The following ASPG variants were observed in gnomAD, a reference collection of about 807,000 sequenced individuals.
The protein encoded by ASPG is 60 kDa lysophospholipase.
In ASPG, 53 loss-of-function variants were observed where a neutral mutation model predicts 63.2. The observed-to-expected ratio is 0.84, with a 90% CI of 0.67 to 1.05. The LOEUF (loss-of-function observed/expected upper bound fraction) is 1.05, where lower values mean the gene tolerates loss of function less well. Among genes scored for constraint, ASPG ranks in the 50% least tolerant of loss-of-function variants. The pLI is 0.00. For missense variants in ASPG, 741 were observed against 794.4 expected (o/e 0.93, Z 0.81); for synonymous variants, 370 against 355.0 (o/e 1.04, Z -0.48).
At chr14:104,094,461 C>T (rs567343258) in intron 3 of ASPG, among the ~76,000 whole-genome samples, 1 of 152,078 alleles carries the variant, frequency 6.6e-6, no homozygotes, top group Non-Finnish European at 1.5e-5. Flanking sequence ...CCCCCCGCCC[C>T]ATCAGCTTTT....
rs2036798188 is a variant in ASPG, at chr14:104,099,949, G to T, written c.640+970G>T. Among the ~76,000 whole-genome samples, 3 of 152,220 alleles carry T rather than the reference G, an allele frequency of 2.0e-5. No individual in the cohort carries two copies. The South Asian group carries it at 6.2e-4, about 32-fold the overall frequency. On this transcript the variant is annotated intron_variant, in intron 6 of 15. Transcript: ENST00000551177. ...AAAGCAGCTGTTCCTGTCTGGGCGG[G>T]TGGGGTGGAGGCGCCCCCTCACCCA...
intron 1 of ASPG, among the ~76,000 whole-genome samples, chr14:104,090,327 T>C (rs1374343531): frequency 6.6e-6 from 1 of 152,226 alleles, no homozygotes; most frequent in African/African-American, 2.4e-5. Flanking sequence ...AACGTGAGCA[T>C]GTCCCACAAA....
intron 13 of ASPG, 73 bp from the exon 14 acceptor site, chr14:104,111,429 G>A: frequency 7.5e-7 from 1 of 1,339,354 alleles, no homozygotes; most frequent in Non-Finnish European, 1.0e-6. Context: ...AGGCCACCTG[G>A]GGGACAGGCA....
In ASPG at chr14:104,098,604, C is replaced by T. The variant is rs542546709; in HGVS notation, c.514-249C>T. ...CCCTCCTGCCACCCAGCCACTTGCA[C>T]GCCCCAGGCCCTGGGGTCCCCAGGC... On this transcript the variant is annotated intron_variant, in intron 5 of 15. Transcript: ENST00000551177. Among the ~76,000 whole-genome samples the T allele has an allele frequency of 4.6e-5, 7 of 152,262 alleles. No individual in the cohort carries two copies. In the South Asian group the frequency reaches 6.2e-4, roughly 14 times the overall value.
rs1003304527 is a variant in ASPG at position 104,103,533 on chromosome 14, G to T, written c.641-30G>T. The T allele has an allele frequency of 7.8e-6, 12 of 1,533,160 alleles. No homozygotes were observed. In the African/African-American group the frequency reaches 1.6e-4, roughly 21 times the overall value. The allele number at this position is 1,533,160 out of a possible 1,614,324, so 95.0% of individuals were successfully genotyped here. Reference sequence around the variant, plus strand: ...GGTCTCGGCTGGCAGGAGGCCTGAAGGCACCACACAGGCCCTTCCCTGTCC... The same window carrying T: ...GGTCTCGGCTGGCAGGAGGCCTGAATGCACCACACAGGCCCTTCCCTGTCC... On this transcript the variant is annotated intron_variant, in intron 6 of 15. Coordinates refer to ENST00000551177, the MANE Select transcript of ASPG (RefSeq NM_001080464.3).
chr14:104,106,902 T>C lies in ASPG; in HGVS notation c.1269+8T>C. On this transcript the variant is annotated splice_region_variant and intron_variant, in intron 11 of 15. Coordinates refer to ENST00000551177, the MANE Select transcript of ASPG (RefSeq NM_001080464.3). ...CAGGCGCTTGTGGAGCTGGTGAGCC[T>C]CCCCCACCCTGGGGGCCCAGCCCCA... is the stretch of plus-strand genomic sequence containing the variant. 6.4e-7 allele frequency: 1 copy of C among 1,563,470 alleles called. No homozygotes were observed. Among genetic ancestry groups the C allele is most frequent in the South Asian group, 1.2e-5 (1 of 85,366 alleles).
At chr14:104,089,740 C>T (rs1045903961) in intron 1 of ASPG, among the ~76,000 whole-genome samples, 6 of 151,828 alleles carry the variant, frequency 4.0e-5, no homozygotes, top group African/African-American at 7.3e-5. Flanking sequence ...GAGGCCAAGG[C>T]GGGTGGTTCA....
chr14:104,104,236 G>A, intron 7 of ASPG, 68 bp from the exon 8 acceptor site: 2 of 1,510,156 alleles, frequency 1.3e-6, no homozygotes, highest in Non-Finnish European at 1.8e-6. Context: ...GGGAGGGCAT[G>A]GGGCGAGTCT....
chr14:104,103,081 C>G (rs547977573), intron 6 of ASPG, among the ~76,000 whole-genome samples: 1 of 152,358 alleles, frequency 6.6e-6, no homozygotes, highest in South Asian at 2.1e-4. Context: ...AGGAGGCTGG[C>G]TGGTTCGACG....
chr14:104,109,068 G>A lies in ASPG; in HGVS notation c.1434-161G>A. 1 of 985,434 alleles carries A rather than the reference G, an allele frequency of 1.0e-6. No homozygotes were observed. The highest frequency in any genetic ancestry group is 1.2e-6 in the Non-Finnish European group (1 of 829,922). 61.0% of individuals were successfully genotyped at this position (985,434 alleles called of 1,614,324 possible). A position where few individuals can be genotyped will look rare whatever the true frequency, so the allele number is the denominator to read the frequency against. On this transcript the variant is annotated intron_variant, in intron 12 of 15. Coordinates refer to ENST00000551177, the MANE Select transcript of ASPG (RefSeq NM_001080464.3). The surrounding 1 kb of genome is among the most constrained non-coding windows in gnomAD (Gnocchi z 4.8). ...ATGATGTCACATGGGCCTAGGCAGA[G>A]GATGGGGGGATGGGCCCTTGTCTGA...
chr14:104,103,863 C>T (rs1333839142), intron 7 of ASPG, among the ~76,000 whole-genome samples, 188 bp downstream of exon 7: 9 of 152,360 alleles, frequency 5.9e-5, no homozygotes, highest in South Asian at 2.1e-4. Context: ...GCTTTCCAGC[C>T]TCTCGGGGAG....
chr14:104,094,056 G>A (rs2047929183), intron 3 of ASPG, among the ~76,000 whole-genome samples: 1 of 151,928 alleles, frequency 6.6e-6, no homozygotes, highest in African/African-American at 2.4e-5. Context: ...CCAGCCTGGG[G>A]CCTGGGAGCA....
chr14:104,108,349 G>GGA, intron 12 of ASPG: 1 of 950,254 alleles, frequency 1.1e-6, no homozygotes, highest in Non-Finnish European at 1.3e-6. Context: ...TGGGTGGCGC[G>GGA]GAGACGAGCT....
chr14:104,092,858 C>A, intron 2 of ASPG, 117 bp downstream of exon 2: 1 of 829,214 alleles, frequency 1.2e-6, no homozygotes, highest in Non-Finnish European at 1.9e-6. Context: ...CTGTCTCTAA[C>A]ATCCCCTCAG....
chr14:104,110,802 ACCTGGCCTGCT>A lies in ASPG; in HGVS notation c.1521-691_1521-681del. On this transcript the variant is annotated intron_variant, in intron 13 of 15. Transcript: ENST00000551177. The surrounding 1 kb of genome is among the most constrained non-coding windows in gnomAD (Gnocchi z 4.7). ...GTGGAGCCTTCCCTGCCGGGTCCCCACCTGGCCTGCTCCTGGCCTCCCCAGGTGGCGAGTGA... is the reference window on the plus strand; with the variant it reads ...GTGGAGCCTTCCCTGCCGGGTCCCCACCTGGCCTCCCCAGGTGGCGAGTGA... 2.0e-6 allele frequency: 2 copies of A among 985,174 alleles called. No homozygotes were observed. The highest frequency in any genetic ancestry group is 1.1e-4 in the East Asian group (1 of 8,780). The allele number at this position is 985,174 out of a possible 1,614,324, so 61.0% of individuals were successfully genotyped here. A position where few individuals can be genotyped will look rare whatever the true frequency, so the allele number is the denominator to read the frequency against.
At position 104,097,569 on chromosome 14, in the gene ASPG, C is replaced by T. The variant is rs1480014615; in HGVS notation, c.445C>T (p.Leu149=). 1.3e-6 allele frequency: 2 copies of T among 1,555,754 alleles called. No homozygotes were observed. The highest frequency in any genetic ancestry group is 8.7e-7 in the Non-Finnish European group (1 of 1,150,154). ...LTGAQVPIHA[L]WSDGRENLLG... ...TCTCCCCCAGGTGCCCATCCATGCCCTGTGGAGCGACGGCCGTGAGAACCT... is the reference window on the plus strand; with the variant it reads ...TCTCCCCCAGGTGCCCATCCATGCCTTGTGGAGCGACGGCCGTGAGAACCT... Residue 149 remains leucine, a synonymous_variant, in exon 5 of 16, where the codon CTG becomes TTG. Coordinates refer to ENST00000551177, the MANE Select transcript of ASPG (RefSeq NM_001080464.3).
At position 104,114,077 on chromosome 14, in the gene ASPG, C is replaced by T. The variant is rs2037434515; in HGVS notation, c.*1533C>T. 1 of 152,290 alleles carries T rather than the reference C, an allele frequency of 6.6e-6. No individual in the cohort carries two copies. 9.4% of individuals were successfully genotyped at this position (152,290 alleles called of 1,614,324 possible). On this transcript the variant is annotated 3_prime_UTR_variant, in exon 16 of 16. Transcript: ENST00000551177. ...GCACACGGCAGTGCCCACCTGCTTC[C>T]CTCAGCTCCTGAGGGGCTGGGCAGA... is the stretch of plus-strand genomic sequence containing the variant.
At position 104,115,289 on chromosome 14, in the gene ASPG, G is replaced by A. The variant is rs989661935; in HGVS notation, c.*2745G>A. Reference sequence around the variant, plus strand: ...CTGCTGGTGGGAACTGCAGGTGCTTGTACTTGTCACCTTCTCCCCGTCCTC... The same window carrying A: ...CTGCTGGTGGGAACTGCAGGTGCTTATACTTGTCACCTTCTCCCCGTCCTC... On this transcript the variant is annotated 3_prime_UTR_variant, in exon 16 of 16. Coordinates refer to ENST00000551177, the MANE Select transcript of ASPG (RefSeq NM_001080464.3). 6.6e-6 allele frequency: 1 copy of A among 152,246 alleles called. No homozygotes were observed. The highest frequency in any genetic ancestry group is 1.5e-5 in the Non-Finnish European group (1 of 68,066). 9.4% of individuals were successfully genotyped at this position (152,246 alleles called of 1,614,324 possible). A position where few individuals can be genotyped will look rare whatever the true frequency, so the allele number is the denominator to read the frequency against.
At chr14:104,103,471 G>A in intron 6 of ASPG, 92 bp from the exon 7 acceptor site, 2 of 1,102,308 alleles carry the variant, frequency 1.8e-6, no homozygotes, top group East Asian at 2.6e-5. Context: ...AAACAAGGGA[G>A]GAGGCGGCCT....
Sources: allele counts gnomAD v4.1 joint callset (sites outside exome capture counted in the v4.1 genomes callset), GRCh38; gene constraint gnomAD v4.1.1; non-coding constraint Gnocchi (gnomAD v3.1); transcripts MANE v1.5; gene names NCBI Gene and HGNC (gene_info 2026-07-23, HGNC 2026-07-21).